SGCD: variants seen among roughly 807,000 people sequenced by gnomAD.
SGCD encodes the protein sarcoglycan delta.
A neutral mutation model predicts 36.6 loss-of-function variants in SGCD; 18 were observed. The observed-to-expected ratio is 0.49, with a 90% CI of 0.34 to 0.73. SGCD has a LOEUF of 0.73. SGCD is among the 30% of genes least tolerant of loss of function. SGCD has a pLI of 0.01. For missense variants in SGCD, 387 were observed against 346.7 expected (o/e 1.12, Z -0.92); for synonymous variants, 133 against 130.6 (o/e 1.02, Z -0.12).
chr5:156,090,038 C>G (rs1761202558), intron 1 of SGCD, among the ~76,000 whole-genome samples: 1 of 152,128 alleles, frequency 6.6e-6, no homozygotes, highest in African/African-American at 2.4e-5. Flanking sequence ...TCCCTGACAT[C>G]TCTGCTTCCC....
chr5:156,573,523 G>A (rs78920233), intron 4 of SGCD, among the ~76,000 whole-genome samples: 2,166 of 152,262 alleles, frequency 0.014, 37 homozygotes, highest in African/African-American at 0.028. Context: ...CTCTATGGCA[G>A]CTGGTGAAAT....
At chr5:156,565,583 C>T (rs866472721) in intron 4 of SGCD, among the ~76,000 whole-genome samples, 1 of 152,050 alleles carries the variant, frequency 6.6e-6, no homozygotes, top group South Asian at 2.1e-4. Flanking sequence ...TTCTGGGATA[C>T]ATGTACAGAA....
chr5:156,423,244 T>TATTATAA (rs1773448794), intron 3 of SGCD, among the ~76,000 whole-genome samples: 1 of 2,782 alleles, frequency 3.6e-4, no homozygotes, highest in Non-Finnish European at 6.9e-4. Flanking sequence ...ATATTATATT[T>TATTATAA]TATAATATTA....
chr5:156,261,493 A>G (rs1371069746), intron 3 of SGCD, among the ~76,000 whole-genome samples: 3 of 152,216 alleles, frequency 2.0e-5, no homozygotes, highest in Non-Finnish European at 2.9e-5. Context: ...AGTGCAACGT[A>G]TTACTCACGT....
At chr5:156,178,098 T>C (rs1763516097) in intron 3 of SGCD, among the ~76,000 whole-genome samples, 1 of 152,198 alleles carries the variant, frequency 6.6e-6, no homozygotes, top group Admixed American at 6.5e-5. Flanking sequence ...TAATAAAATG[T>C]TGAATATCTC....
chr5:155,963,571 G>T (rs927410995), intron 1 of SGCD, among the ~76,000 whole-genome samples: 1 of 151,956 alleles, frequency 6.6e-6, no homozygotes, highest in African/African-American at 2.4e-5. Context: ...TTTATTCCAC[G>T]TATTGCCTTA....
chr5:155,734,099 T>A, the SGCD span, among the ~76,000 whole-genome samples: 1 of 147,340 alleles, frequency 6.8e-6, no homozygotes. Flanking sequence ...ATAATAATAT[T>A]ATTAATTATA....
chr5:156,362,965 A>G (rs1769889673), intron 3 of SGCD, among the ~76,000 whole-genome samples: 1 of 152,152 alleles, frequency 6.6e-6, no homozygotes, highest in African/African-American at 2.4e-5. Context: ...ATAATTGACT[A>G]TAATTTCTGT....
At chr5:155,755,790 C>T in the SGCD span, among the ~76,000 whole-genome samples, 1 of 152,124 alleles carries the variant, frequency 6.6e-6, no homozygotes. Flanking sequence ...CTGAATTACT[C>T]GGGAGCTGAC....
intron 4 of SGCD, among the ~76,000 whole-genome samples, chr5:156,547,563 C>T (rs145402881): frequency 0.014 from 2,205 of 152,116 alleles, 40 homozygotes; most frequent in African/African-American, 0.029. Flanking sequence ...CTGCCTTAGC[C>T]TCTCAAGTAG....
chr5:155,986,387 T>C (rs1758330626), intron 1 of SGCD, among the ~76,000 whole-genome samples: 1 of 152,204 alleles, frequency 6.6e-6, no homozygotes, highest in Non-Finnish European at 1.5e-5. Flanking sequence ...TGACAGCTGA[T>C]TCACATGCAT....
chr5:156,232,368 A>G (rs1013525033), intron 3 of SGCD, among the ~76,000 whole-genome samples: 3 of 152,188 alleles, frequency 2.0e-5, no homozygotes, highest in Non-Finnish European at 4.4e-5. Context: ...AGGTAGTTCT[A>G]ACTATTGGAC....
intron 3 of SGCD, among the ~76,000 whole-genome samples, chr5:156,365,514 C>A (rs189488981): frequency 5.8e-4 from 89 of 152,304 alleles, no homozygotes; most frequent in Non-Finnish European, 6.0e-4. Context: ...TCAGTAGCAA[C>A]TGGAAAGATG....
intron 3 of SGCD, among the ~76,000 whole-genome samples, chr5:156,218,385 G>A (rs1336960645): frequency 6.6e-6 from 1 of 152,138 alleles, no homozygotes; most frequent in African/African-American, 2.4e-5. Context: ...TTTACTTAAA[G>A]TCTTGAAGGA....
At chr5:155,878,098 G>C (rs1755802359) in intron 1 of SGCD, among the ~76,000 whole-genome samples, 1 of 152,048 alleles carries the variant, frequency 6.6e-6, no homozygotes, top group African/African-American at 2.4e-5. Flanking sequence ...GCTTATGGCA[G>C]AACTGGAATT....
At chr5:155,739,875 T>C in the SGCD span, among the ~76,000 whole-genome samples, 1,887 of 152,268 alleles carry the variant, frequency 0.012, 43 homozygotes, top group African/African-American at 0.043. Flanking sequence ...TTTAAACTTA[T>C]AGATTTTTAT....
At chr5:156,256,974 T>C (rs1341784570) in intron 3 of SGCD, among the ~76,000 whole-genome samples, 2 of 150,676 alleles carry the variant, frequency 1.3e-5, no homozygotes. Context: ...AGCTCAGGAG[T>C]TGAAGACCAA....
chr5:156,374,662 CTTT>C (rs34441102), intron 3 of SGCD, among the ~76,000 whole-genome samples: 4 of 134,516 alleles, frequency 3.0e-5, no homozygotes, highest in Admixed American at 7.6e-5. Context: ...GCAACCCTGT[CTTT>C]TTTTTTTTTT....
intron 1 of SGCD, among the ~76,000 whole-genome samples, chr5:156,011,220 G>C (rs1042707371): frequency 2.0e-5 from 3 of 152,006 alleles, no homozygotes; most frequent in African/African-American, 2.4e-5. Flanking sequence ...AAATAGTACA[G>C]GTTTGCAATC....
Sources: allele counts gnomAD v4.1 joint callset (sites outside exome capture counted in the v4.1 genomes callset), GRCh38; gene constraint gnomAD v4.1.1; transcripts MANE v1.5; gene names NCBI Gene and HGNC (gene_info 2026-07-23, HGNC 2026-07-21).